The following CNPY2 variants were observed in gnomAD, a reference collection of about 807,000 sequenced individuals.
CNPY2 encodes protein canopy homolog 2.
In CNPY2, 19 loss-of-function variants were observed where a neutral mutation model predicts 25.5. That is an observed-to-expected ratio of 0.74 (90% CI 0.52 to 1.09). The LOEUF (loss-of-function observed/expected upper bound fraction) is 1.09. CNPY2 is among the 50% of genes least tolerant of loss of function. The pLI, the probability that CNPY2 is intolerant of heterozygous loss-of-function variation, is 0.00. For synonymous variants in CNPY2, 82 were observed against 85.0 expected, an observed-to-expected ratio of 0.96 and a Z score of 0.19; for missense variants, 214 against 233.6, an observed-to-expected ratio of 0.92 and a Z score of 0.55.
At chr12:56,315,389 C>T in intron 1 of CNPY2, 147 bp from the exon 2 acceptor site, 1 of 616,346 alleles carries the variant, frequency 1.6e-6, no homozygotes, top group Non-Finnish European at 2.8e-6. Context: ...AAAGGGGCTT[C>T]TCTGTTCCAG....
rs974942490 is a variant in CNPY2 at position 56,310,361 on chromosome 12, T to G, written c.*191A>C. 11 of 618,680 alleles carry G rather than the reference T, an allele frequency of 1.8e-5. No individual in the cohort carries two copies. The highest frequency in any genetic ancestry group is 3.1e-5 in the Non-Finnish European group (11 of 350,588). 38.3% of individuals were successfully genotyped at this position (618,680 alleles called of 1,614,324 possible). The stretch of plus-strand genomic sequence containing the variant: ...CTTCTTTCTCCTCCATTATCTTTCC[T>G]GTCTATATAACTCCTTATCTTCAAG... On this transcript the variant is annotated 3_prime_UTR_variant, in exon 6 of 6. Coordinates refer to ENST00000273308, the MANE Select transcript of CNPY2 (RefSeq NM_014255.7).
At chr12:56,312,579 T>C in intron 3 of CNPY2, 1 of 150,394 alleles carries the variant, frequency 6.6e-6, no homozygotes, top group Non-Finnish European at 1.5e-5. Context: ...TTTTTTTTCT[T>C]TTTTTTTTTG....
Position 56,314,985 on chromosome 12 carries a change from A to G in CNPY2, c.89-19T>C. ...CTGCATGCTGGTGGAAGAGGAGAGA[A>G]TGAGAGCAGGGGACAGGGTAGGGGG... On this transcript the variant is annotated intron_variant, in intron 2 of 5. Coordinates refer to ENST00000273308, the MANE Select transcript of CNPY2 (RefSeq NM_014255.7). 6.2e-7 allele frequency: 1 copy of G among 1,613,986 alleles called. No individual in the cohort carries two copies. Among genetic ancestry groups the G allele is most frequent in the Non-Finnish European group, 8.5e-7 (1 of 1,179,890 alleles).
chr12:56,311,654 T>C (rs890330130), intron 3 of CNPY2: 28 of 473,208 alleles, frequency 5.9e-5, no homozygotes, highest in South Asian at 1.9e-5. Context: ...TGGGTTCAAG[T>C]GATTCTCCTG....
At position 56,314,938 on chromosome 12, in the gene CNPY2, T is replaced by C; in HGVS notation, c.117A>G (p.Glu39=). Residue 39 remains glutamate (E), a synonymous_variant, in exon 3 of 6, where the codon GAA becomes GAG. Transcript: ENST00000273308. ...TGGGGTCCACCTGGGCAATTTCCCA[T>C]TCTAGTTCATCCACCAGAGCCCTGC... ...GACRALVDEL[E]WEIAQVDPKK... 2 of 1,614,070 alleles carry C rather than the reference T, an allele frequency of 1.2e-6. No individual in the cohort carries two copies. The highest frequency in any genetic ancestry group is 2.2e-5 in the South Asian group (2 of 91,080).
chr12:56,313,965 G>A (rs1387091467), intron 3 of CNPY2, among the ~76,000 whole-genome samples: 5 of 143,080 alleles, frequency 3.5e-5, no homozygotes, highest in Non-Finnish European at 7.6e-5. Context: ...GCAGTGGTGC[G>A]ATCTTGGCTC....
intron 3 of CNPY2, chr12:56,311,887 ATTTATTTT>A: frequency 6.3e-6 from 1 of 158,888 alleles, no homozygotes; most frequent in Non-Finnish European, 1.4e-5. Context: ...TTATTTATTT[ATTTATTTT>A]TTTGAGACGG....
Position 56,311,427 on chromosome 12 carries a change from T to G in CNPY2, c.205-13A>C. 1.9e-6 allele frequency: 3 copies of G among 1,613,886 alleles called. No individual in the cohort carries two copies. Among genetic ancestry groups the G allele is most frequent in the Non-Finnish European group, 2.5e-6 (3 of 1,179,728 alleles). The stretch of plus-strand genomic sequence containing the variant: ...GGGCATAAGGCACCTAGAAATGTCC[T>G]CAGCCTTGGGTCACTCTCTTCTACC... On this transcript the variant is annotated splice_polypyrimidine_tract_variant and intron_variant, in intron 3 of 5. Coordinates refer to ENST00000273308, the MANE Select transcript of CNPY2 (RefSeq NM_014255.7).
chr12:56,313,687 G>T (rs933496701), intron 3 of CNPY2, among the ~76,000 whole-genome samples: 9 of 149,858 alleles, frequency 6.0e-5, no homozygotes, highest in African/African-American at 1.7e-4. Context: ...CTCACTGCAA[G>T]CTCTGCCTCC....
chr12:56,313,964 C>A (rs573689310), intron 3 of CNPY2, among the ~76,000 whole-genome samples: 2 of 149,966 alleles, frequency 1.3e-5, no homozygotes, highest in East Asian at 3.9e-4. Flanking sequence ...TGCAGTGGTG[C>A]GATCTTGGCT....
In CNPY2 at chr12:56,310,092, C is replaced by G. The variant is rs1873675031; in HGVS notation, c.*460G>C. 3.0e-6 allele frequency: 2 copies of G among 661,038 alleles called. No homozygotes were observed. The highest frequency in any genetic ancestry group is 1.8e-5 in the African/African-American group (1 of 55,830). The allele number at this position is 661,038 out of a possible 1,614,324, so 40.9% of individuals were successfully genotyped here. ...TATTTCCTTCAAGACCAAGCCCTGT[C>G]TTACTTTATGTTTCAACAGCCATGA... is the stretch of plus-strand genomic sequence containing the variant. On this transcript the variant is annotated 3_prime_UTR_variant, in exon 6 of 6. Transcript: ENST00000273308.
chr12:56,315,306 C>T (rs1427316344), intron 1 of CNPY2, 64 bp from the exon 2 acceptor site: 3 of 912,902 alleles, frequency 3.3e-6, no homozygotes, highest in African/African-American at 1.7e-5. Flanking sequence ...CTGACCCCCC[C>T]AATCCTCACC....
In CNPY2 at chr12:56,310,261, G is replaced by A. The variant is rs1873679204; in HGVS notation, c.*291C>T. 6 of 597,154 alleles carry A rather than the reference G, an allele frequency of 1.0e-5. No homozygotes were observed. The South Asian group carries it at 1.3e-4, about 12-fold the overall frequency. The allele number at this position is 597,154 out of a possible 1,614,324, so 37.0% of individuals were successfully genotyped here. ...TGAAAGCTTATCTAGTTTATGAGTG[G>A]AGTGGAATCTCAGAAGGTAGAAGAA... On this transcript the variant is annotated 3_prime_UTR_variant, in exon 6 of 6. Transcript: ENST00000273308.
chr12:56,314,593 T>C lies in CNPY2; in HGVS notation c.204+258A>G, dbSNP rs145876306. ...ACAGTGCTACATTAAAAACCAGTCA[T>C]GTGGATGTGGAGAAGGGTGCTGATC... On this transcript the variant is annotated intron_variant, in intron 3 of 5. Transcript: ENST00000273308. 2,334 of 1,349,934 alleles carry C rather than the reference T, an allele frequency of 1.7e-3. 106 individuals are homozygous for C. The Admixed American group carries it at 0.064, about 37-fold the overall frequency. The allele number at this position is 1,349,934 out of a possible 1,614,324, so 83.6% of individuals were successfully genotyped here.
intron 3 of CNPY2, 82 bp downstream of exon 3, chr12:56,314,769 T>A (rs779941938): frequency 1.2e-6 from 2 of 1,605,314 alleles, no homozygotes; most frequent in South Asian, 2.2e-5. Flanking sequence ...TCATTTCTAT[T>A]AAACCAAGGT....
rs758171309 is a variant in CNPY2 at position 56,315,202 on chromosome 12, A to G, written c.16T>C (p.Trp6Arg). MKGWGWLALLLGALLG... is the reference protein window; with the variant it reads MKGWGRLALLLGALLG... ...AGGGCCCCCAGAAGCAGGGCCAGCC[A>G]ACCCCAGCCTTTCATCTTTAGCGTA... The change falls in exon 2 of 6, where the codon TGG becomes CGG. Residue 6 changes from tryptophan to arginine, a missense_variant. Transcript: ENST00000273308. 5.0e-6 allele frequency: 8 copies of G among 1,613,794 alleles called. No individual in the cohort carries two copies. The Admixed American group carries it at 1.3e-4, about 27-fold the overall frequency.
At chr12:56,314,644 C>T (rs1873829649) in intron 3 of CNPY2, 1 of 1,423,510 alleles carries the variant, frequency 7.0e-7, no homozygotes, top group Admixed American at 2.8e-5. Context: ...CTAACAAATT[C>T]TACAGCAGAA....
At chr12:56,313,288 C>T (rs972969392) in intron 3 of CNPY2, among the ~76,000 whole-genome samples, 12 of 151,942 alleles carry the variant, frequency 7.9e-5, no homozygotes, top group Admixed American at 6.5e-5. Context: ...GTCAGGAGTT[C>T]GAGACCATCC....
intron 5 of CNPY2, among the ~76,000 whole-genome samples, 175 bp downstream of exon 5, chr12:56,310,783 T>C (rs1331894151): frequency 6.6e-6 from 1 of 152,120 alleles, no homozygotes. Context: ...GGGACACAAA[T>C]TCTGAAAGCT....
Sources: allele counts gnomAD v4.1 joint callset (sites outside exome capture counted in the v4.1 genomes callset), GRCh38; gene constraint gnomAD v4.1.1; transcripts MANE v1.5; gene names NCBI Gene and HGNC (gene_info 2026-07-23, HGNC 2026-07-21).